CA6: variants seen among roughly 807,000 people sequenced by gnomAD.
CA6 encodes the protein carbonic anhydrase 6.
A neutral mutation model predicts 35.9 loss-of-function variants in CA6; 28 were observed. The ratio of observed to expected loss-of-function variants is 0.78; its 90% CI spans 0.58 to 1.07. The LOEUF (loss-of-function observed/expected upper bound fraction) is 1.07, where lower values mean the gene tolerates loss of function less well. CA6 is among the 50% of genes least tolerant of loss of function. The probability of loss-of-function intolerance (pLI) is 0.00; values close to 1 mark genes in which losing one functional copy is unlikely to be tolerated. For missense variants in CA6, 377 were observed against 382.0 expected, an observed-to-expected ratio of 0.99 and a Z score of 0.11; for synonymous variants, 148 against 152.6, an observed-to-expected ratio of 0.97 and a Z score of 0.22.
chr1:8,956,056 C>T (rs1030321851), intron 2 of CA6, among the ~76,000 whole-genome samples: 2 of 149,028 alleles, frequency 1.3e-5, no homozygotes, highest in Admixed American at 6.6e-5. Flanking sequence ...AACCCTGTCT[C>T]TACTAAAAAT....
intron 6 of CA6, 136 bp downstream of exon 6, chr1:8,967,952 G>A (rs984787101): frequency 4.7e-5 from 27 of 569,512 alleles, no homozygotes; most frequent in East Asian, 1.4e-4. Flanking sequence ...ACTGTGCCTC[G>A]TCTAGCCAAC....
At chr1:8,955,009 G>A (rs998465142) in intron 2 of CA6, among the ~76,000 whole-genome samples, 17 of 149,462 alleles carry the variant, frequency 1.1e-4, no homozygotes, top group Non-Finnish European at 2.5e-4. Context: ...CTCTGTTTTG[G>A]TGCAGACTAG....
chr1:8,967,527 T>C, intron 5 of CA6, 132 bp from the exon 6 acceptor site: 1 of 698,440 alleles, frequency 1.4e-6, no homozygotes, highest in Non-Finnish European at 2.4e-6. Flanking sequence ...TGGGAAATTG[T>C]TTCTTAATCA....
intron 3 of CA6, 77 bp from the exon 4 acceptor site, chr1:8,958,833 C>A: frequency 2.4e-6 from 2 of 819,068 alleles, no homozygotes; most frequent in Non-Finnish European, 4.1e-6. Context: ...CTTTCTTTCT[C>A]TTCCTCCTTC....
At chr1:8,954,173 GT>G (rs34159260) in intron 2 of CA6, among the ~76,000 whole-genome samples, 51,018 of 140,052 alleles carry the variant, frequency 0.36, 8,488 homozygotes, top group Middle Eastern at 0.47. Context: ...CACTACTTCC[GT>G]TTTTTTTTTT....
chr1:8,960,220 G>A (rs1410835870), intron 4 of CA6, among the ~76,000 whole-genome samples: 6 of 147,746 alleles, frequency 4.1e-5, no homozygotes, highest in Non-Finnish European at 7.4e-5. Flanking sequence ...GACAGAGCGA[G>A]ACTCCGTCTC....
chr1:8,967,963 C>CTTT (rs34107058), intron 6 of CA6, 147 bp downstream of exon 6: 4,496 of 295,266 alleles, frequency 0.015, 24 homozygotes, highest in South Asian at 0.033. Flanking sequence ...TCTAGCCAAC[C>CTTT]TTTTTTTTTT....
chr1:8,955,615 T>TCCCC (rs1308938753), intron 2 of CA6, among the ~76,000 whole-genome samples: 1 of 151,424 alleles, frequency 6.6e-6, no homozygotes, highest in Non-Finnish European at 1.5e-5. Context: ...TCACTGACCT[T>TCCCC]GCACGCCTCC....
intron 6 of CA6, among the ~76,000 whole-genome samples, chr1:8,970,497 G>A (rs138273998): frequency 1.1e-3 from 166 of 151,934 alleles, no homozygotes; most frequent in African/African-American, 4.0e-3. Context: ...TAGCCCAGTT[G>A]TTAATTCTTT....
intron 4 of CA6, among the ~76,000 whole-genome samples, chr1:8,960,230 CA>C (rs199920089): frequency 0.094 from 8,515 of 90,666 alleles, 658 homozygotes; most frequent in African/African-American, 0.26. Flanking sequence ...GACTCCGTCT[CA>C]AAAAAAAAAA....
chr1:8,961,146 T>C (rs752664385), intron 4 of CA6, among the ~76,000 whole-genome samples: 4 of 152,122 alleles, frequency 2.6e-5, no homozygotes, highest in Non-Finnish European at 5.9e-5. Context: ...TTCCCAGATA[T>C]ACGAAAACCA....
intron 5 of CA6, among the ~76,000 whole-genome samples, chr1:8,964,161 G>A (rs1347132509): frequency 6.6e-6 from 1 of 152,008 alleles, no homozygotes; most frequent in Non-Finnish European, 1.5e-5. Context: ...TCCCACGTGG[G>A]GCCCAACCCC....
chr1:8,955,439 C>T (rs1639648348), intron 2 of CA6, among the ~76,000 whole-genome samples: 1 of 152,130 alleles, frequency 6.6e-6, no homozygotes, highest in Non-Finnish European at 1.5e-5. Flanking sequence ...TCCAATTGGG[C>T]CTGTGTGGGC....
chr1:8,972,208 C>T (rs1000176600), intron 7 of CA6, among the ~76,000 whole-genome samples: 1 of 152,048 alleles, frequency 6.6e-6, no homozygotes, highest in African/African-American at 2.4e-5. Flanking sequence ...CCACCACACC[C>T]AGCTAATTTT....
chr1:8,946,268 C>G (rs1045089969), intron 1 of CA6, among the ~76,000 whole-genome samples: 1 of 152,028 alleles, frequency 6.6e-6, no homozygotes, highest in Non-Finnish European at 1.5e-5. Context: ...GAACTCCTGA[C>G]CTTAGGTGAT....
chr1:8,960,298 T>G (rs537223106), intron 4 of CA6, among the ~76,000 whole-genome samples: 1 of 140,542 alleles, frequency 7.1e-6, no homozygotes, highest in South Asian at 2.2e-4. Context: ...GAGGAAAAAA[T>G]AACTCAAAAC....
chr1:8,967,598 T>C (rs1640002046), intron 5 of CA6, 61 bp from the exon 6 acceptor site: 1 of 1,460,578 alleles, frequency 6.8e-7, no homozygotes, highest in Non-Finnish European at 9.5e-7. Context: ...GGGCCTGAGC[T>C]GTCCTCCCGA....
In CA6 at chr1:8,949,297, C is replaced by T; in HGVS notation, c.114C>T (p.His38=). ...TGGACGAAGCGCACTGGCCACAGCA[C>T]TACCCCGCCTGTGGGGGCCAGAGAC... ...GALDEAHWPQ[H]YPACGGQRQS... The change falls in exon 2 of 8, where the codon CAC becomes CAT. Residue 38 remains histidine (H), a synonymous_variant. Coordinates refer to ENST00000377443, the MANE Select transcript of CA6 (RefSeq NM_001215.4). 1.9e-6 allele frequency: 3 copies of T among 1,612,632 alleles called. No individual in the cohort carries two copies. The highest frequency in any genetic ancestry group is 2.5e-6 in the Non-Finnish European group (3 of 1,179,234).
At chr1:8,960,341 G>T (rs1031846362) in intron 4 of CA6, among the ~76,000 whole-genome samples, 1 of 151,594 alleles carries the variant, frequency 6.6e-6, no homozygotes, top group African/African-American at 2.4e-5. Flanking sequence ...TGGACCCAGA[G>T]TGATTAAGCA....
Sources: gnomAD v4.1 joint callset for allele counts (sites outside exome capture counted in the v4.1 genomes callset) on GRCh38, gnomAD v4.1.1 for gene constraint, MANE v1.5 for transcripts, NCBI Gene and HGNC (gene_info 2026-07-23, HGNC 2026-07-21) for gene names.